ANKIB1: variants seen among roughly 807,000 people sequenced by gnomAD.
The protein encoded by ANKIB1 is ankyrin repeat and IBR domain-containing protein 1.
A neutral mutation model predicts 122.1 loss-of-function variants in ANKIB1; 43 were observed. That is an observed-to-expected ratio of 0.35 (90% CI 0.28 to 0.45). ANKIB1 has a LOEUF of 0.45. ANKIB1 is among the 20% of genes least tolerant of loss of function. The pLI, the probability that ANKIB1 is intolerant of heterozygous loss-of-function variation, is 1.00. For synonymous variants in ANKIB1, 390 were observed against 442.0 expected (o/e 0.88, Z 1.48); for missense variants, 992 against 1,329.5 (o/e 0.75, Z 3.95).
chr7:92,342,568 G>T (rs141471656), intron 5 of ANKIB1, among the ~76,000 whole-genome samples: 28 of 152,268 alleles, frequency 1.8e-4, no homozygotes, highest in African/African-American at 6.3e-4. Context: ...TTTATTAAAT[G>T]ATTTTTAGGA....
chr7:92,358,202 A>G (rs895109538), intron 9 of ANKIB1, among the ~76,000 whole-genome samples: 1 of 152,196 alleles, frequency 6.6e-6, no homozygotes, highest in Non-Finnish European at 1.5e-5. Context: ...AGATCGTGCC[A>G]TTGCACTCCA....
chr7:92,378,727 A>G (rs1168648660), intron 11 of ANKIB1, among the ~76,000 whole-genome samples: 2 of 152,214 alleles, frequency 1.3e-5, no homozygotes, highest in Non-Finnish European at 2.9e-5. Context: ...TTAGTGATAT[A>G]AAAATCAGAA....
rs1804891751 is a variant in ANKIB1 at position 92,396,410 on chromosome 7, CGAG to C, written c.2333_2335del (p.Gly778del). On this transcript the variant is annotated inframe_deletion, in exon 18 of 20. Coordinates refer to ENST00000265742, the MANE Select transcript of ANKIB1 (RefSeq NM_019004.2). The stretch of plus-strand genomic sequence containing the variant: ...TCGGAGGAGGCACAGACAACGTCGT[CGAG>C]GAGATGTTCACAGTCTACTCAGTAA... 3 of 1,598,372 alleles carry C rather than the reference CGAG, an allele frequency of 1.9e-6. No individual in the cohort carries two copies. The highest frequency in any genetic ancestry group is 1.7e-5 in the Admixed American group (1 of 58,096).
intron 1 of ANKIB1, among the ~76,000 whole-genome samples, chr7:92,250,979 A>G (rs887010279): frequency 2.6e-5 from 4 of 152,212 alleles, no homozygotes; most frequent in African/African-American, 9.6e-5. Flanking sequence ...TTAGGACTGT[A>G]GAGCAGATAT....
intron 17 of ANKIB1, among the ~76,000 whole-genome samples, chr7:92,394,199 A>G (rs1804841210): frequency 6.6e-6 from 1 of 152,236 alleles, no homozygotes; most frequent in Admixed American, 6.5e-5. Flanking sequence ...GGATTAAAGC[A>G]TCTCATTTAG....
intron 2 of ANKIB1, among the ~76,000 whole-genome samples, chr7:92,298,550 G>T (rs985929327): frequency 2.3e-4 from 35 of 151,784 alleles, no homozygotes; most frequent in Admixed American, 2.2e-3. Flanking sequence ...GTGTTCTGAG[G>T]ACTCCTGGAT....
Position 92,398,394 on chromosome 7 carries a change from C to T in ANKIB1, c.2715C>T (p.Ser905=). 2 of 1,613,324 alleles carry T rather than the reference C, an allele frequency of 1.2e-6. No homozygotes were observed. Among genetic ancestry groups the T allele is most frequent in the Non-Finnish European group, 1.7e-6 (2 of 1,179,590 alleles). Residue 905 remains serine, a synonymous_variant, in exon 20 of 20, where the codon AGC becomes AGT. Transcript: ENST00000265742. ...ACTCTGTCCCCAGAAATACAGATAG[C>T]CCTCGGGCTGCATTGAGCAGCTCTG... is the stretch of plus-strand genomic sequence containing the variant. ...RLDSVPRNTD[S]PRAALSSSEL...
At chr7:92,301,399 A>T (rs1802455607) in intron 2 of ANKIB1, among the ~76,000 whole-genome samples, 1 of 151,754 alleles carries the variant, frequency 6.6e-6, no homozygotes, top group South Asian at 2.1e-4. Flanking sequence ...GTATAAGGTG[A>T]TACTTCACTG....
chr7:92,358,853 A>C (rs1803881931), intron 9 of ANKIB1, among the ~76,000 whole-genome samples: 1 of 152,138 alleles, frequency 6.6e-6, no homozygotes, highest in Non-Finnish European at 1.5e-5. Context: ...AATGACAAAC[A>C]AGCTTTTTTA....
chr7:92,304,296 G>A (rs1040694392), intron 2 of ANKIB1, among the ~76,000 whole-genome samples: 1 of 152,046 alleles, frequency 6.6e-6, no homozygotes, highest in Non-Finnish European at 1.5e-5. Context: ...AATAATTTGA[G>A]ACTCTTTCTT....
intron 9 of ANKIB1, among the ~76,000 whole-genome samples, chr7:92,355,227 G>T (rs978419910): frequency 6.6e-6 from 1 of 152,048 alleles, no homozygotes; most frequent in Non-Finnish European, 1.5e-5. Flanking sequence ...ACTTAGATGG[G>T]TTCTGACTTA....
chr7:92,386,377 T>C, intron 11 of ANKIB1, 132 bp from the exon 12 acceptor site: 3 of 944,884 alleles, frequency 3.2e-6, no homozygotes, highest in South Asian at 2.3e-5. Flanking sequence ...AAATAGGGCA[T>C]GTCTTTGAGA....
At chr7:92,270,728 GTTTTTTTT>G (rs397889266) in intron 1 of ANKIB1, among the ~76,000 whole-genome samples, 1 of 81,982 alleles carries the variant, frequency 1.2e-5, no homozygotes, top group Admixed American at 1.4e-4. Flanking sequence ...CATCGCTATA[GTTTTTTTT>G]TTTTTTTTTT....
chr7:92,323,386 TTTG>T (rs1802954824), intron 4 of ANKIB1, among the ~76,000 whole-genome samples: 2 of 152,182 alleles, frequency 1.3e-5, no homozygotes, highest in African/African-American at 2.4e-5. Context: ...TTCTATGAAG[TTTG>T]TTTTCTTAAT....
At chr7:92,361,450 T>C (rs1230751916) in intron 9 of ANKIB1, among the ~76,000 whole-genome samples, 3 of 152,238 alleles carry the variant, frequency 2.0e-5, no homozygotes, top group South Asian at 4.1e-4. Context: ...TGATAAAATA[T>C]AGATTCTAAT....
At chr7:92,393,796 A>G (rs1257758468) in intron 17 of ANKIB1, among the ~76,000 whole-genome samples, 1 of 152,132 alleles carries the variant, frequency 6.6e-6, no homozygotes, top group Non-Finnish European at 1.5e-5. Context: ...CTTATTGCAG[A>G]TATAAAGAAT....
intron 7 of ANKIB1, 83 bp from the exon 8 acceptor site, chr7:92,350,867 A>T: frequency 7.4e-7 from 1 of 1,350,866 alleles, no homozygotes; most frequent in Non-Finnish European, 9.9e-7. Flanking sequence ...TAAAAAAAAA[A>T]GGAAAGAAAA....
chr7:92,274,978 A>G (rs1185466012), intron 1 of ANKIB1, among the ~76,000 whole-genome samples: 1 of 152,158 alleles, frequency 6.6e-6, no homozygotes, highest in Admixed American at 6.5e-5. Flanking sequence ...CCATGCCTCA[A>G]AGCTACCTAT....
At chr7:92,262,320 A>G (rs147997904) in intron 1 of ANKIB1, among the ~76,000 whole-genome samples, 3 of 152,338 alleles carry the variant, frequency 2.0e-5, no homozygotes, top group African/African-American at 7.2e-5. Context: ...GTCAACATGC[A>G]TAGTAATAGG....
Sources: allele counts gnomAD v4.1 joint callset (sites outside exome capture counted in the v4.1 genomes callset), GRCh38; gene constraint gnomAD v4.1.1; transcripts MANE v1.5; gene names NCBI Gene and HGNC (gene_info 2026-07-23, HGNC 2026-07-21).